DNAAF10: variants seen among roughly 807,000 people sequenced by gnomAD.
DNAAF10 encodes the protein dynein axonemal assembly factor 10.
In DNAAF10, 28 loss-of-function variants were observed where a neutral mutation model predicts 43.7. That is an observed-to-expected ratio of 0.64 (90% confidence interval 0.48 to 0.88). The LOEUF (loss-of-function observed/expected upper bound fraction) is 0.88. Among genes scored for constraint, DNAAF10 ranks in the 40% least tolerant of loss-of-function variants. DNAAF10 has a pLI of 0.00. For synonymous variants in DNAAF10, 156 were observed against 157.3 expected (o/e 0.99, Z 0.06); for missense variants, 403 against 439.1 (o/e 0.92, Z 0.73).
chr2:68,144,463 A>C, intron 3 of DNAAF10, 122 bp downstream of exon 3: 1 of 1,271,988 alleles, frequency 7.9e-7, no homozygotes, highest in Non-Finnish European at 1.1e-6. Context: ...AGTAGCAGCA[A>C]GACTGTTAGA....
chr2:68,141,534 A>G (rs542665750), intron 4 of DNAAF10, among the ~76,000 whole-genome samples, 160 bp downstream of exon 4: 2 of 152,378 alleles, frequency 1.3e-5, no homozygotes, highest in Non-Finnish European at 2.9e-5. Context: ...ATTCAAACTC[A>G]GGCCCCAGAG....
chr2:68,138,885 T>C (rs1238816394), intron 4 of DNAAF10, 28 bp from the exon 5 acceptor site: 2 of 1,493,674 alleles, frequency 1.3e-6, no homozygotes, highest in African/African-American at 1.4e-5. Flanking sequence ...ACATTTCACA[T>C]CCTTATAAAT....
rs1672915248 is a variant in DNAAF10, at chr2:68,130,805, G to GGGTC, written c.*429_*432dup. ...AGGCTGGCCCAGAGGCTTGTGGCTGGGGTCTTTTATCATCAGCCAAATCCA... is the reference window on the plus strand; with the variant it reads ...AGGCTGGCCCAGAGGCTTGTGGCTGGGGTCGGTCTTTTATCATCAGCCAAATCCA... On this transcript the variant is annotated 3_prime_UTR_variant, in exon 8 of 8. Transcript: ENST00000295121. The GGGTC allele has an allele frequency of 6.4e-6, 1 of 155,516 alleles. No individual in the cohort carries two copies. The highest frequency in any genetic ancestry group is 2.4e-5 in the African/African-American group (1 of 41,438). 9.6% of individuals were successfully genotyped at this position (155,516 alleles called of 1,614,324 possible).
At chr2:68,131,533 T>C in intron 7 of DNAAF10, 88 bp from the exon 8 acceptor site, 4 of 1,277,824 alleles carry the variant, frequency 3.1e-6, no homozygotes, top group Non-Finnish European at 3.3e-6. Flanking sequence ...ACTCTATTTC[T>C]CAGTTGGTTA....
chr2:68,134,235 A>C, intron 7 of DNAAF10: 1 of 993,432 alleles, frequency 1.0e-6, no homozygotes, highest in Non-Finnish European at 1.2e-6. Context: ...TGCATAGTAA[A>C]AGCTTTCATT....
Position 68,141,765 on chromosome 2 carries a change from T to C in DNAAF10, c.446A>G (p.Lys149Arg). ...GTVKVWDPRQ[K>R]DDPVANMEPV... ...TTCCATATTAGCAACAGGATCATCT[T>C]TTTGCCTTGGGTCCCACACCTTCAC... is the stretch of plus-strand genomic sequence containing the variant. The change falls in exon 4 of 8, where the codon AAA becomes AGA. Residue 149 changes from lysine to arginine, a missense_variant. Lys to Arg is a conservative substitution (Grantham distance 26, BLOSUM62 2). Coordinates refer to ENST00000295121, the MANE Select transcript of DNAAF10 (RefSeq NM_138458.4). The C allele has an allele frequency of 6.2e-7, 1 of 1,614,162 alleles. No homozygotes were observed. The highest frequency in any genetic ancestry group is 8.5e-7 in the Non-Finnish European group (1 of 1,180,012).
At chr2:68,152,096 T>C (rs910694701) in intron 1 of DNAAF10, among the ~76,000 whole-genome samples, 5 of 152,246 alleles carry the variant, frequency 3.3e-5, no homozygotes, top group East Asian at 1.9e-4. Flanking sequence ...CCGATCTTGA[T>C]TGCTGAGGTA....
chr2:68,146,951 G>A (rs1025757090), intron 2 of DNAAF10, among the ~76,000 whole-genome samples: 8 of 152,018 alleles, frequency 5.3e-5, no homozygotes, highest in African/African-American at 1.4e-4. Flanking sequence ...GGTAAAACAC[G>A]AAAAAGGCAT....
chr2:68,135,536 G>T (rs1673021045), intron 6 of DNAAF10, among the ~76,000 whole-genome samples: 1 of 151,960 alleles, frequency 6.6e-6, no homozygotes, highest in Non-Finnish European at 1.5e-5. Flanking sequence ...GGGGAACTTA[G>T]GAGAGAGAGA....
chr2:68,143,421 T>C (rs907696854), intron 3 of DNAAF10, among the ~76,000 whole-genome samples: 1 of 152,114 alleles, frequency 6.6e-6, no homozygotes, highest in East Asian at 1.9e-4. Flanking sequence ...GGTCTCAAGT[T>C]ATCCGCCCGC....
intron 1 of DNAAF10, among the ~76,000 whole-genome samples, chr2:68,152,366 G>A (rs1279498524): frequency 6.6e-6 from 1 of 152,192 alleles, no homozygotes; most frequent in African/African-American, 2.4e-5. Flanking sequence ...TCATTTGTGT[G>A]CACTGAGGAC....
At chr2:68,151,391 T>G (rs1339696803) in intron 1 of DNAAF10, among the ~76,000 whole-genome samples, 1 of 152,202 alleles carries the variant, frequency 6.6e-6, no homozygotes, top group Non-Finnish European at 1.5e-5. Flanking sequence ...CATTCAGATT[T>G]CAGTTCAAAT....
intron 3 of DNAAF10, 97 bp downstream of exon 3, chr2:68,144,488 G>T: frequency 6.7e-7 from 1 of 1,484,356 alleles, no homozygotes. Context: ...GGGAGTCAAG[G>T]TGACTGAAGG....
chr2:68,139,202 G>A (rs1673118686), intron 4 of DNAAF10, among the ~76,000 whole-genome samples: 1 of 152,130 alleles, frequency 6.6e-6, no homozygotes, highest in African/African-American at 2.4e-5. Flanking sequence ...TTATGGTAAT[G>A]AGTTTTCGCT....
Position 68,136,536 on chromosome 2 carries a change from T to C in DNAAF10, c.768+763A>G, listed in dbSNP as rs189675438. ...GGAGAGAGAGAAGCAACGGAGTAAG[T>C]TCTCACTTCCTGAGCAACTTGTATA... On this transcript the variant is annotated intron_variant, in intron 6 of 7. Coordinates refer to ENST00000295121, the MANE Select transcript of DNAAF10 (RefSeq NM_138458.4). Among the ~76,000 whole-genome samples, 30 of 152,184 alleles carry C rather than the reference T, an allele frequency of 2.0e-4. 1 individual carries two copies. In the East Asian group the frequency reaches 5.2e-3, roughly 26 times the overall value.
chr2:68,148,896 C>T (rs1327189139), intron 1 of DNAAF10, among the ~76,000 whole-genome samples: 2 of 152,206 alleles, frequency 1.3e-5, no homozygotes, highest in Non-Finnish European at 2.9e-5. Flanking sequence ...TACGCATTTA[C>T]AAACACACAT....
intron 1 of DNAAF10, among the ~76,000 whole-genome samples, chr2:68,154,824 C>A (rs975605793): frequency 6.6e-5 from 10 of 152,108 alleles, no homozygotes; most frequent in Admixed American, 6.6e-4. Context: ...GGATGGAGTG[C>A]AGTGGTGCGA....
chr2:68,143,015 T>C (rs1241985148), intron 3 of DNAAF10, among the ~76,000 whole-genome samples: 1 of 152,030 alleles, frequency 6.6e-6, no homozygotes, highest in African/African-American at 2.4e-5. Context: ...GCCTCCCAAG[T>C]AGCTGGGACT....
At chr2:68,133,183 C>T (rs1672960093) in intron 7 of DNAAF10, among the ~76,000 whole-genome samples, 1 of 152,156 alleles carries the variant, frequency 6.6e-6, no homozygotes, top group African/African-American at 2.4e-5. Context: ...ACGACTCAAA[C>T]TTTTCCTCTG....
Sources: allele counts gnomAD v4.1 joint callset (sites outside exome capture counted in the v4.1 genomes callset), GRCh38; gene constraint gnomAD v4.1.1; transcripts MANE v1.5; gene names NCBI Gene and HGNC (gene_info 2026-07-23, HGNC 2026-07-21).